The following NKAIN3 variants were observed in gnomAD, a reference collection of about 807,000 sequenced individuals.
NKAIN3 encodes sodium/potassium-transporting ATPase subunit beta-1-interacting protein 3.
NKAIN3 carries 25 observed loss-of-function variants against 30.2 expected under a neutral mutation model. The ratio of observed to expected loss-of-function variants is 0.83; its 90% CI spans 0.60 to 1.16. The LOEUF (loss-of-function observed/expected upper bound fraction) is 1.16, where lower values mean the gene tolerates loss of function less well. Among genes scored for constraint, NKAIN3 ranks in the 50% most tolerant of loss-of-function variants. The probability of loss-of-function intolerance (pLI) is 0.00; values close to 1 mark genes in which losing one functional copy is unlikely to be tolerated. For missense variants in NKAIN3, 225 were observed against 254.1 expected, an observed-to-expected ratio of 0.89 and a Z score of 0.78; for synonymous variants, 91 against 89.6, an observed-to-expected ratio of 1.02 and a Z score of -0.09.
intron 3 of NKAIN3, among the ~76,000 whole-genome samples, chr8:62,719,272 A>G (rs964122831): frequency 6.6e-6 from 1 of 152,216 alleles, no homozygotes; most frequent in Non-Finnish European, 1.5e-5. Context: ...CTGGGGAAGC[A>G]CTGTTGCTGC....
At chr8:62,721,820 T>C (rs1049738680) in intron 3 of NKAIN3, among the ~76,000 whole-genome samples, 6 of 152,190 alleles carry the variant, frequency 3.9e-5, no homozygotes, top group Non-Finnish European at 5.9e-5. Context: ...GGGCAGAACA[T>C]AGACAATGGT....
At chr8:62,799,573 G>A (rs1208215188) in intron 4 of NKAIN3, among the ~76,000 whole-genome samples, 2 of 152,102 alleles carry the variant, frequency 1.3e-5, no homozygotes, top group Non-Finnish European at 2.9e-5. Context: ...ACAGTGAAAA[G>A]GGAAGACTTT....
intron 1 of NKAIN3, among the ~76,000 whole-genome samples, chr8:62,574,579 A>T (rs1242546684): frequency 1.3e-5 from 2 of 152,162 alleles, no homozygotes; most frequent in African/African-American, 2.4e-5. Context: ...AAACAGACAC[A>T]TAGATTAATG....
At chr8:62,890,251 T>C (rs892493680) in intron 4 of NKAIN3, among the ~76,000 whole-genome samples, 1 of 152,222 alleles carries the variant, frequency 6.6e-6, no homozygotes, top group African/African-American at 2.4e-5. Flanking sequence ...GGAAGCATTT[T>C]TATGCTCTCT....
intron 3 of NKAIN3, among the ~76,000 whole-genome samples, chr8:62,712,957 C>CA (rs1586118225): frequency 6.6e-6 from 1 of 152,220 alleles, no homozygotes; most frequent in East Asian, 1.9e-4. Flanking sequence ...GACTCGGCTC[C>CA]AAGTAAAGTC....
At chr8:62,372,504 A>T (rs1252734909) in intron 1 of NKAIN3, among the ~76,000 whole-genome samples, 1 of 152,010 alleles carries the variant, frequency 6.6e-6, no homozygotes, top group South Asian at 2.1e-4. Context: ...ACCTTTAGAC[A>T]TTCATCCATT....
chr8:62,859,178 G>T (rs539701841), intron 4 of NKAIN3, among the ~76,000 whole-genome samples: 1 of 152,122 alleles, frequency 6.6e-6, no homozygotes, highest in Non-Finnish European at 1.5e-5. Context: ...CTGGATATGG[G>T]GGTTCCCTTG....
At chr8:62,540,630 TAGAG>T (rs1315665077) in intron 1 of NKAIN3, among the ~76,000 whole-genome samples, 1 of 152,212 alleles carries the variant, frequency 6.6e-6, no homozygotes, top group Non-Finnish European at 1.5e-5. Flanking sequence ...TGGCTTAAAA[TAGAG>T]AGTTTAGAGT....
chr8:62,815,622 C>A (rs1293165874), intron 4 of NKAIN3, among the ~76,000 whole-genome samples: 5 of 152,112 alleles, frequency 3.3e-5, no homozygotes, highest in African/African-American at 1.2e-4. Context: ...ACAAAAACCA[C>A]ATGATTATCT....
intron 1 of NKAIN3, among the ~76,000 whole-genome samples, chr8:62,518,268 G>A (rs946671536): frequency 3.3e-5 from 5 of 152,138 alleles, no homozygotes; most frequent in South Asian, 2.1e-4. Flanking sequence ...GCTGAGGCAC[G>A]AGAATTGCTT....
chr8:62,668,113 C>T (rs1813188100), intron 3 of NKAIN3, among the ~76,000 whole-genome samples: 1 of 144,930 alleles, frequency 6.9e-6, no homozygotes. Flanking sequence ...CACACACATA[C>T]ACACACACAC....
At chr8:62,893,101 A>T (rs1821339318) in intron 4 of NKAIN3, among the ~76,000 whole-genome samples, 1 of 152,212 alleles carries the variant, frequency 6.6e-6, no homozygotes. Context: ...AATGTCACTG[A>T]ATCAACTTCT....
intron 4 of NKAIN3, among the ~76,000 whole-genome samples, chr8:62,905,979 C>T (rs1024212621): frequency 6.6e-6 from 1 of 152,196 alleles, no homozygotes; most frequent in Non-Finnish European, 1.5e-5. Context: ...CATCAAGCAA[C>T]CTTCGTGCAT....
intron 1 of NKAIN3, among the ~76,000 whole-genome samples, chr8:62,423,460 C>G (rs1804710291): frequency 6.7e-6 from 1 of 150,076 alleles, no homozygotes; most frequent in African/African-American, 2.4e-5. Context: ...ATATATTCAT[C>G]TATTCACACC....
At chr8:62,397,192 A>G (rs575094746) in intron 1 of NKAIN3, among the ~76,000 whole-genome samples, 7 of 152,024 alleles carry the variant, frequency 4.6e-5, no homozygotes, top group South Asian at 4.2e-4. Flanking sequence ...CCTTGCTACC[A>G]CCCTGATATT....
At chr8:62,316,517 G>T (rs1221841521) in intron 1 of NKAIN3, among the ~76,000 whole-genome samples, 1 of 151,770 alleles carries the variant, frequency 6.6e-6, no homozygotes, top group Non-Finnish European at 1.5e-5. Flanking sequence ...CTATAAGTGA[G>T]AACATGTGGG....
intron 3 of NKAIN3, among the ~76,000 whole-genome samples, chr8:62,713,068 A>C (rs138923161): frequency 6.6e-6 from 1 of 152,124 alleles, no homozygotes; most frequent in Non-Finnish European, 1.5e-5. Context: ...GGGCACTCAC[A>C]GTATTTGGGG....
chr8:62,371,298 C>T (rs1187011917), intron 1 of NKAIN3, among the ~76,000 whole-genome samples: 1 of 151,824 alleles, frequency 6.6e-6, no homozygotes, highest in South Asian at 2.1e-4. Context: ...GAACCATCTA[C>T]ATAGATTATG....
At chr8:62,272,449 C>G (rs138527779) in intron 1 of NKAIN3, among the ~76,000 whole-genome samples, 1,756 of 152,282 alleles carry the variant, frequency 0.012, 18 homozygotes, top group Non-Finnish European at 0.019. Flanking sequence ...AGCAGTGAGT[C>G]TCTCTCTGGG....
Sources: allele counts gnomAD v4.1 joint callset (sites outside exome capture counted in the v4.1 genomes callset), GRCh38; gene constraint gnomAD v4.1.1; transcripts MANE v1.5; gene names NCBI Gene and HGNC (gene_info 2026-07-23, HGNC 2026-07-21).